PSMD1: variants seen among roughly 807,000 people sequenced by gnomAD.
The protein encoded by PSMD1 is proteasome 26S subunit, non-ATPase 1.
Under a neutral mutation model 119.0 loss-of-function variants are expected in PSMD1, and 18 were observed. The ratio of observed to expected loss-of-function variants is 0.15; its 90% CI spans 0.10 to 0.22. PSMD1 has a LOEUF of 0.22. Ranked by LOEUF, PSMD1 falls within the 10% of genes least tolerant of loss-of-function variation. PSMD1 has a pLI of 1.00. For synonymous variants in PSMD1, 374 were observed against 396.6 expected, an observed-to-expected ratio of 0.94 and a Z score of 0.68; for missense variants, 702 against 1,158.5, an observed-to-expected ratio of 0.61 and a Z score of 5.72.
At chr2:231,124,867 T>C (rs1695681236) in intron 16 of PSMD1, 1 of 152,206 alleles carries the variant, frequency 6.6e-6, no homozygotes, top group Non-Finnish European at 1.5e-5. Flanking sequence ...TTCATTTTGA[T>C]TTTTAAACCG....
At position 231,080,247 on chromosome 2, in the gene PSMD1, T is replaced by C; in HGVS notation, c.1346T>C (p.Ile449Thr). The C allele has an allele frequency of 1.2e-6, 2 of 1,613,176 alleles. No individual in the cohort carries two copies. The highest frequency in any genetic ancestry group is 1.7e-6 in the Non-Finnish European group (2 of 1,179,150). ...GGAGGTCTCTATGCACTAGGTCTTATTCATGCCAATCATGGTGGTGATATA... is the reference window on the plus strand; with the variant it reads ...GGAGGTCTCTATGCACTAGGTCTTACTCATGCCAATCATGGTGGTGATATA... ...EGGGLYALGL[I>T]HANHGGDIID... is the part of the protein sequence containing the mutation. Residue 449 changes from isoleucine (I) to threonine (T), a missense_variant, in exon 12 of 25, where the codon ATT becomes ACT. Physicochemically the swap from Ile to Thr is moderately conservative, Grantham distance 89 (BLOSUM62 -1). This residue lies in a region of PSMD1 where 272 missense variants were observed against 511.6 expected (regional missense o/e 0.53). Transcript: ENST00000308696.
At chr2:231,063,027 A>G (rs978049827) in intron 4 of PSMD1, among the ~76,000 whole-genome samples, 21 of 152,176 alleles carry the variant, frequency 1.4e-4, no homozygotes, top group African/African-American at 5.1e-4. Context: ...CACTCTGCAT[A>G]CCATGGTTTA....
chr2:231,069,988 A>C (rs569381660), intron 5 of PSMD1, 37 bp from the exon 6 acceptor site: 6 of 1,320,734 alleles, frequency 4.5e-6, no homozygotes, highest in Non-Finnish European at 5.9e-6. Context: ...TGCTGCAATA[A>C]CCAGATAACG....
At chr2:231,099,690 T>C (rs1216314779) in intron 16 of PSMD1, among the ~76,000 whole-genome samples, 1 of 152,150 alleles carries the variant, frequency 6.6e-6, no homozygotes, top group Admixed American at 6.5e-5. Context: ...CCACTGGAAA[T>C]GTCTTGCCTT....
At chr2:231,109,071 C>T (rs1434861838) in intron 16 of PSMD1, 4 of 1,614,114 alleles carry the variant, frequency 2.5e-6, no homozygotes, top group Non-Finnish European at 3.4e-6. Context: ...AGTGTTTCAT[C>T]ACCTGAGTTG....
At position 231,056,926 on chromosome 2, in the gene PSMD1, G is replaced by A; in HGVS notation, c.-100G>A. ...GCGACTGACTGAGCAGCGCACCCGG[G>A]GAGCAAGGAGGCGCGGTGAACTGAG... is the stretch of plus-strand genomic sequence containing the variant. On this transcript the variant is annotated 5_prime_UTR_variant, in exon 1 of 25. Coordinates refer to ENST00000308696, the MANE Select transcript of PSMD1 (RefSeq NM_002807.4). The A allele has an allele frequency of 6.7e-7, 1 of 1,483,708 alleles. No individual in the cohort carries two copies. The highest frequency in any genetic ancestry group is 2.6e-5 in the East Asian group (1 of 39,176). The allele number at this position is 1,483,708 out of a possible 1,614,324, so 91.9% of individuals were successfully genotyped here.
intron 16 of PSMD1, among the ~76,000 whole-genome samples, chr2:231,133,931 G>A (rs994336156): frequency 6.6e-6 from 1 of 152,188 alleles, no homozygotes; most frequent in African/African-American, 2.4e-5. Context: ...TTCCTGCTCT[G>A]TGGAAGGCTT....
At chr2:231,062,784 G>A in intron 4 of PSMD1, 109 bp downstream of exon 4, 1 of 934,312 alleles carries the variant, frequency 1.1e-6, no homozygotes, top group Non-Finnish European at 1.5e-6. Context: ...CATTTTAATT[G>A]GAAGTTCCTA....
chr2:231,125,659 A>T (rs914580970), intron 16 of PSMD1, among the ~76,000 whole-genome samples: 45 of 152,148 alleles, frequency 3.0e-4, no homozygotes, highest in African/African-American at 1.0e-3. Flanking sequence ...TTCCCCATAG[A>T]CTTTACGTTG....
chr2:231,064,399 T>C (rs1445190191), intron 4 of PSMD1, among the ~76,000 whole-genome samples: 4 of 152,222 alleles, frequency 2.6e-5, no homozygotes, highest in Non-Finnish European at 5.9e-5. Context: ...AAACCTGGGA[T>C]ATATTTATGA....
intron 16 of PSMD1, among the ~76,000 whole-genome samples, chr2:231,127,574 C>T (rs1260166090): frequency 1.3e-5 from 2 of 152,114 alleles, no homozygotes; most frequent in South Asian, 2.1e-4. Context: ...AGGATGGTCT[C>T]GAACTCTTGA....
rs1486011400 is a variant in PSMD1 at position 231,096,338 on chromosome 2, G to A, written c.1883+9157G>A. Among the ~76,000 whole-genome samples the A allele has an allele frequency of 7.9e-5, 12 of 152,100 alleles. No homozygotes were observed. In the South Asian group the frequency reaches 8.3e-4, roughly 11 times the overall value. On this transcript the variant is annotated intron_variant, in intron 16 of 24. Transcript: ENST00000308696. ...TTTGTTATTTTTTTCTGTTAATGGC[G>A]GGGCTGAGGGAGATGGAGTCGGTAA...
At chr2:231,153,727 C>A in intron 19 of PSMD1, 61 bp downstream of exon 19, 1 of 1,151,376 alleles carries the variant, frequency 8.7e-7, no homozygotes, top group Non-Finnish European at 1.3e-6. Flanking sequence ...AAATAACTAT[C>A]TGCTCTAACT....
intron 16 of PSMD1, among the ~76,000 whole-genome samples, chr2:231,103,649 A>G (rs1694919799): frequency 6.6e-6 from 1 of 152,042 alleles, no homozygotes; most frequent in Non-Finnish European, 1.5e-5. Context: ...TTTTCTTCCA[A>G]AATTTGGTTT....
chr2:231,148,864 C>A (rs1485655621), intron 18 of PSMD1, among the ~76,000 whole-genome samples: 1 of 151,928 alleles, frequency 6.6e-6, no homozygotes, highest in Non-Finnish European at 1.5e-5. Context: ...AGCATGTTGC[C>A]AAAAAGAAAA....
chr2:231,161,626 T>C, intron 20 of PSMD1, 117 bp downstream of exon 20: 1 of 1,131,866 alleles, frequency 8.8e-7, no homozygotes, highest in Admixed American at 2.5e-5. Flanking sequence ...CATCTTATAA[T>C]AACATTTTCC....
intron 1 of PSMD1, among the ~76,000 whole-genome samples, chr2:231,057,795 C>G (rs1437255968): frequency 6.6e-6 from 1 of 152,242 alleles, no homozygotes; most frequent in Non-Finnish European, 1.5e-5. Flanking sequence ...GAGTAAGTTA[C>G]AGAGATCAAG....
chr2:231,120,236 G>A (rs754423706), intron 16 of PSMD1, among the ~76,000 whole-genome samples: 1 of 152,186 alleles, frequency 6.6e-6, no homozygotes, highest in Non-Finnish European at 1.5e-5. Flanking sequence ...ACAGGCATGA[G>A]CCACCGTGCC....
At chr2:231,107,092 G>T (rs1694994975) in intron 16 of PSMD1, among the ~76,000 whole-genome samples, 1 of 152,212 alleles carries the variant, frequency 6.6e-6, no homozygotes, top group Admixed American at 6.5e-5. Context: ...TAGACTAGTA[G>T]TAGGGAAACA....
Sources: allele counts gnomAD v4.1 joint callset (sites outside exome capture counted in the v4.1 genomes callset), GRCh38; gene constraint gnomAD v4.1.1; regional missense constraint gnomAD v4.1.1; transcripts MANE v1.5; gene names NCBI Gene and HGNC (gene_info 2026-07-23, HGNC 2026-07-21).